Variants in LRRC36 observed in about 807,000 individuals in gnomAD.
The protein encoded by LRRC36 is leucine-rich repeat-containing protein 36.
In LRRC36, 62 loss-of-function variants were observed where a neutral mutation model predicts 81.1. That is an observed-to-expected ratio of 0.76 (90% CI 0.62 to 0.94). The LOEUF (loss-of-function observed/expected upper bound fraction) is 0.94. LRRC36 is among the 40% of genes least tolerant of loss of function. The pLI, the probability that LRRC36 is intolerant of heterozygous loss-of-function variation, is 0.00. For missense variants in LRRC36, 761 were observed against 881.7 expected (o/e 0.86, Z 1.73); for synonymous variants, 334 against 348.6 (o/e 0.96, Z 0.47).
In LRRC36 at chr16:67,363,707, G is replaced by T; in HGVS notation, c.695G>T (p.Gly232Val). The stretch of plus-strand genomic sequence containing the variant: ...CAGAAATTAGACACCTTCCCACTGG[G>T]GACACAGGTAATGTATTCACTCTCC... The part of the protein sequence containing the change: ...RDQKLDTFPL[G>V]TQTQEVARRE... Residue 232 changes from glycine (G) to valine (V), a missense_variant, in exon 6 of 14, where the codon GGG becomes GTG. Physicochemically the swap from Gly to Val is moderately radical, Grantham distance 109 (BLOSUM62 -3). This residue lies in a region of LRRC36 where 263 missense variants were observed against 279.3 expected (regional missense o/e 0.94). Coordinates refer to ENST00000329956, the MANE Select transcript of LRRC36 (RefSeq NM_018296.6). 6.2e-7 allele frequency: 1 copy of T among 1,613,686 alleles called. No homozygotes were observed. The highest frequency in any genetic ancestry group is 8.5e-7 in the Non-Finnish European group (1 of 1,179,752).
At chr16:67,339,410 T>C (rs928418959) in intron 1 of LRRC36, among the ~76,000 whole-genome samples, 5 of 152,182 alleles carry the variant, frequency 3.3e-5, no homozygotes, top group Admixed American at 3.3e-4. Flanking sequence ...ATTGCTATGA[T>C]GTTTTTAAAC....
At chr16:67,358,494 ATTT>A (rs112646894) in intron 5 of LRRC36, among the ~76,000 whole-genome samples, 16 of 134,574 alleles carry the variant, frequency 1.2e-4, no homozygotes, top group South Asian at 2.4e-4. Flanking sequence ...GTCGCCACTA[ATTT>A]TTTTTTTTTT....
At chr16:67,375,104 G>A (rs1368958985) in intron 9 of LRRC36, 143 bp from the exon 10 acceptor site, 2 of 839,176 alleles carry the variant, frequency 2.4e-6, no homozygotes, top group Non-Finnish European at 3.7e-6. Flanking sequence ...TCCAGCCTGG[G>A]TGACAGAGCG....
intron 5 of LRRC36, among the ~76,000 whole-genome samples, chr16:67,354,604 T>G (rs771069056): frequency 5.3e-5 from 8 of 152,088 alleles, no homozygotes; most frequent in Non-Finnish European, 1.2e-4. Context: ...AAACATATTT[T>G]ATTTTTTAGA....
chr16:67,365,755 A>G (rs1437609986), intron 7 of LRRC36, among the ~76,000 whole-genome samples: 1 of 152,120 alleles, frequency 6.6e-6, no homozygotes, highest in Non-Finnish European at 1.5e-5. Context: ...TAATACCTTA[A>G]GTCTTCTTTT....
At chr16:67,362,096 AAAAAAC>A (rs933299220) in intron 5 of LRRC36, 10 of 353,222 alleles carry the variant, frequency 2.8e-5, no homozygotes, top group African/African-American at 4.5e-5. Flanking sequence ...TAAAAATTAA[AAAAAAC>A]AAAAACAAAA....
intron 5 of LRRC36, among the ~76,000 whole-genome samples, chr16:67,354,698 A>G (rs1365866233): frequency 2.0e-5 from 3 of 152,206 alleles, no homozygotes; most frequent in Admixed American, 6.5e-5. Context: ...CTCCCTGACT[A>G]TGGACATCCT....
chr16:67,365,058 G>GA (rs911285597), intron 6 of LRRC36: 69 of 435,508 alleles, frequency 1.6e-4, no homozygotes, highest in African/African-American at 1.3e-3. Context: ...CTAAGGCAGA[G>GA]AAAGTACAGT....
chr16:67,330,005 C>T (rs1205199485), intron 1 of LRRC36, among the ~76,000 whole-genome samples: 1 of 152,138 alleles, frequency 6.6e-6, no homozygotes, highest in Non-Finnish European at 1.5e-5. Context: ...TCTGTAGGCT[C>T]CCCATTTTTT....
At chr16:67,355,102 T>C (rs1227874338) in intron 5 of LRRC36, among the ~76,000 whole-genome samples, 1 of 152,234 alleles carries the variant, frequency 6.6e-6, no homozygotes, top group Non-Finnish European at 1.5e-5. Context: ...CATTTCTTCT[T>C]AGTGCTGAAT....
chr16:67,376,675 T>C (rs1251100509), intron 10 of LRRC36, 52 bp from the exon 11 acceptor site: 45 of 1,572,576 alleles, frequency 2.9e-5, no homozygotes, highest in Non-Finnish European at 3.9e-5. Context: ...CTAGGAATGC[T>C]GTGCCTTAGC....
At chr16:67,383,858 T>G (rs2040199308) in intron 13 of LRRC36, among the ~76,000 whole-genome samples, 1 of 152,152 alleles carries the variant, frequency 6.6e-6, no homozygotes, top group Non-Finnish European at 1.5e-5. Context: ...CTATTGTAGG[T>G]GTGGGTGTAT....
chr16:67,346,114 G>T (rs1030660483), intron 2 of LRRC36, 142 bp from the exon 3 acceptor site: 9 of 534,240 alleles, frequency 1.7e-5, no homozygotes, highest in African/African-American at 3.8e-5. Context: ...GACAAGTTAA[G>T]TGAGAGTTCC....
intron 4 of LRRC36, among the ~76,000 whole-genome samples, chr16:67,348,207 A>C (rs894287423): frequency 6.6e-6 from 1 of 152,234 alleles, no homozygotes; most frequent in African/African-American, 2.4e-5. Flanking sequence ...AGAAAAGTAC[A>C]CTGAAAAAAG....
At chr16:67,350,830 C>G (rs1182260493) in intron 5 of LRRC36, among the ~76,000 whole-genome samples, 1 of 152,020 alleles carries the variant, frequency 6.6e-6, no homozygotes, top group Non-Finnish European at 1.5e-5. Context: ...CCTGAGGTTG[C>G]GAGTTTAAGA....
At chr16:67,355,997 G>A (rs980794251) in intron 5 of LRRC36, among the ~76,000 whole-genome samples, 3 of 152,202 alleles carry the variant, frequency 2.0e-5, no homozygotes, top group Non-Finnish European at 4.4e-5. Flanking sequence ...ATGTGTCGGT[G>A]TGGTTTGGGT....
intron 9 of LRRC36, among the ~76,000 whole-genome samples, chr16:67,373,389 G>C (rs2142142213): frequency 6.6e-6 from 1 of 151,696 alleles, no homozygotes; most frequent in South Asian, 2.1e-4. Flanking sequence ...TTTCCAAGAA[G>C]AGCATTTTTT....
intron 5 of LRRC36, among the ~76,000 whole-genome samples, chr16:67,353,360 CTTTT>C (rs576367230): frequency 8.6e-5 from 13 of 151,936 alleles, no homozygotes; most frequent in African/African-American, 2.9e-4. Flanking sequence ...CTTTCCATTT[CTTTT>C]TTTATTTTTT....
chr16:67,383,723 T>C (rs2040195310), intron 13 of LRRC36, among the ~76,000 whole-genome samples: 1 of 152,272 alleles, frequency 6.6e-6, no homozygotes. Context: ...GATTTAATCT[T>C]GTTTTCATAA....
Sources: allele counts gnomAD v4.1 joint callset (sites outside exome capture counted in the v4.1 genomes callset), GRCh38; gene constraint gnomAD v4.1.1; regional missense constraint gnomAD v4.1.1; transcripts MANE v1.5; gene names NCBI Gene and HGNC (gene_info 2026-07-23, HGNC 2026-07-21).